Variants in CDKL2 observed in about 807,000 individuals in gnomAD.
The protein encoded by CDKL2 is cyclin dependent kinase like 2, also known as cyclin-dependent kinase-like 2.
CDKL2 carries 64 observed loss-of-function variants against 63.9 expected under a neutral mutation model. That is an observed-to-expected ratio of 1.00 (90% CI 0.82 to 1.23). The LOEUF (loss-of-function observed/expected upper bound fraction) is 1.23, where lower values mean the gene tolerates loss of function less well. CDKL2 is among the 50% of genes most tolerant of loss of function. CDKL2 has a pLI of 0.00. For missense variants in CDKL2, 656 were observed against 668.0 expected, an observed-to-expected ratio of 0.98 and a Z score of 0.20; for synonymous variants, 211 against 229.2, an observed-to-expected ratio of 0.92 and a Z score of 0.72.
intron 13 of CDKL2, among the ~76,000 whole-genome samples, chr4:75,579,949 T>C (rs1728188046): frequency 6.6e-6 from 1 of 152,198 alleles, no homozygotes; most frequent in Admixed American, 6.5e-5. Context: ...CTCAAAATGC[T>C]TTGTAAAGGT....
chr4:75,613,835 C>T (rs1690013326), intron 3 of CDKL2, among the ~76,000 whole-genome samples: 1 of 152,198 alleles, frequency 6.6e-6, no homozygotes, highest in Non-Finnish European at 1.5e-5. Context: ...GCAGGCAGAT[C>T]ACCTGAGGTC....
chr4:75,616,940 A>T (rs1170134396), intron 2 of CDKL2, among the ~76,000 whole-genome samples: 2 of 152,126 alleles, frequency 1.3e-5, no homozygotes, highest in African/African-American at 4.8e-5. Context: ...AACAACACAC[A>T]CTGGGGCCTA....
intron 4 of CDKL2, 36 bp from the exon 5 acceptor site, chr4:75,605,670 C>G (rs1729396943): frequency 7.2e-7 from 1 of 1,391,658 alleles, no homozygotes; most frequent in Admixed American, 1.7e-5. Context: ...AATCTGGCAT[C>G]CTAATATGCT....
chr4:75,608,838 C>CA (rs1729545823), intron 3 of CDKL2, among the ~76,000 whole-genome samples: 1 of 151,766 alleles, frequency 6.6e-6, no homozygotes, highest in African/African-American at 2.4e-5. Context: ...TACTAAAATA[C>CA]AAAAAAGTAG....
At chr4:75,610,367 C>T (rs145351154) in intron 3 of CDKL2, among the ~76,000 whole-genome samples, 9 of 152,158 alleles carry the variant, frequency 5.9e-5, no homozygotes, top group African/African-American at 2.2e-4. Flanking sequence ...ATGTTTCTTC[C>T]CAACTCTAAT....
At position 75,605,614 on chromosome 4, in the gene CDKL2, A is replaced by G. The variant is rs138746387; in HGVS notation, c.563T>C (p.Ile188Thr). 5.6e-6 allele frequency: 9 copies of G among 1,612,982 alleles called. No homozygotes were observed. The highest frequency in any genetic ancestry group is 7.6e-6 in the Non-Finnish European group (9 of 1,179,070). Residue 188 changes from isoleucine (I) to threonine (T), a missense_variant, in exon 5 of 14, where the codon ATT becomes ACT. Coordinates refer to ENST00000307465, the MANE Select transcript of CDKL2 (RefSeq NM_001330724.2). ...KYGKAVDVWA[I>T]GCLVTEMFMG... ...GAACATTTCAGTTACCAGACAACCA[A>G]TGGCCCACACATCAACAGCCCTGAA...
At chr4:75,593,684 A>G (rs1418512347) in intron 10 of CDKL2, among the ~76,000 whole-genome samples, 1 of 152,222 alleles carries the variant, frequency 6.6e-6, no homozygotes, top group Non-Finnish European at 1.5e-5. Flanking sequence ...AAAGCAAATC[A>G]GGATTTTAAA....
In CDKL2 at chr4:75,627,731, C is replaced by CTTTTTTTTTTTTTTTT. The variant is rs57328528; in HGVS notation, c.-29-1730_-29-1715dup. On this transcript the variant is annotated intron_variant, in intron 1 of 13. Coordinates refer to ENST00000307465, the MANE Select transcript of CDKL2 (RefSeq NM_001330724.2). ...AAATATTTTTCTTTACTTTTTTTTT[C>CTTTTTTTTTTTTTTTT]TTTTTTTTTTTTTTTTTTTTGAAAC... Among the ~76,000 whole-genome samples, 152 of 85,980 alleles carry CTTTTTTTTTTTTTTTT rather than the reference C, an allele frequency of 1.8e-3. 1 individual carries two copies. The highest frequency in any genetic ancestry group is 5.1e-3 in the East Asian group (17 of 3,342). 56.4% of individuals were successfully genotyped at this position (85,980 alleles called of 152,430 possible).
At chr4:75,590,294 T>C (rs1014896089) in intron 12 of CDKL2, among the ~76,000 whole-genome samples, 1 of 152,238 alleles carries the variant, frequency 6.6e-6, no homozygotes, top group African/African-American at 2.4e-5. Flanking sequence ...AATGTTGCTA[T>C]AGAAATTGTT....
intron 5 of CDKL2, 28 bp downstream of exon 5, chr4:75,605,494 A>T: frequency 7.4e-7 from 1 of 1,352,062 alleles, no homozygotes. Context: ...AAATCTCTAA[A>T]ATTTAAAATG....
chr4:75,624,483 C>A (rs1224940507), intron 2 of CDKL2, among the ~76,000 whole-genome samples: 1 of 150,494 alleles, frequency 6.6e-6, no homozygotes, highest in Non-Finnish European at 1.5e-5. Flanking sequence ...CCCAGGAGTT[C>A]AAGGCTGCAG....
At chr4:75,602,990 T>TC (rs1436269123) in intron 6 of CDKL2, among the ~76,000 whole-genome samples, 1 of 134,362 alleles carries the variant, frequency 7.4e-6, no homozygotes, top group African/African-American at 2.9e-5. Context: ...ATGGTTTCTT[T>TC]TTTTTTTTTT....
In CDKL2 at chr4:75,614,296, A is replaced by G. The variant is rs1729830187; in HGVS notation, c.322T>C (p.Phe108Leu). Reference protein sequence around the residue: ...LDYQVVQKYLFQIINGIGFCH... With the variant: ...LDYQVVQKYLLQIINGIGFCH... The stretch of plus-strand genomic sequence containing the variant: ...AATCCAATTCCATTAATAATCTGAA[A>G]CAAATACTTTTGAACTACTTGGTAG... The change falls in exon 3 of 14, where the codon TTT (phenylalanine) becomes CTT (leucine). Residue 108 changes from phenylalanine (F) to leucine (L), a missense_variant. Transcript: ENST00000307465. 1.2e-6 allele frequency: 2 copies of G among 1,608,616 alleles called. No homozygotes were observed. Among genetic ancestry groups the G allele is most frequent in the Admixed American group, 1.7e-5 (1 of 58,784 alleles).
At chr4:75,586,227 CTT>C (rs61087984) in intron 12 of CDKL2, among the ~76,000 whole-genome samples, 41,915 of 145,198 alleles carry the variant, frequency 0.29, 7,173 homozygotes, top group East Asian at 0.76. Context: ...ACTAACCTTT[CTT>C]TTTTTTTTTT....
At chr4:75,594,521 C>G (rs934222636) in intron 10 of CDKL2, among the ~76,000 whole-genome samples, 1 of 151,888 alleles carries the variant, frequency 6.6e-6, no homozygotes, top group Non-Finnish European at 1.5e-5. Flanking sequence ...AAGCACAAAT[C>G]TCTGCCTTGG....
intron 12 of CDKL2, among the ~76,000 whole-genome samples, chr4:75,583,514 C>T (rs1728344608): frequency 6.6e-6 from 1 of 152,184 alleles, no homozygotes; most frequent in Non-Finnish European, 1.5e-5. Context: ...TAGAAATCTG[C>T]ATATGTCTTC....
chr4:75,607,574 T>A (rs2148891662), intron 3 of CDKL2, among the ~76,000 whole-genome samples: 1 of 152,246 alleles, frequency 6.6e-6, no homozygotes, highest in East Asian at 1.9e-4. Context: ...TTGGATAAAA[T>A]ATATTTTTTC....
intron 3 of CDKL2, among the ~76,000 whole-genome samples, chr4:75,610,206 AAAAAAAAGAAAAAG>A (rs1461232789): frequency 2.6e-4 from 40 of 151,726 alleles, no homozygotes; most frequent in African/African-American, 6.8e-4. Flanking sequence ...CCATCTCAAA[AAAAAAAAGAAAAAG>A]AAAAAAAGAA....
At chr4:75,595,954 G>C (rs1249431640) in intron 10 of CDKL2, 1 of 220,672 alleles carries the variant, frequency 4.5e-6, no homozygotes, top group African/African-American at 3.0e-5. Context: ...AAAAGAAAGA[G>C]AGGAAGGAAG....
Sources: allele counts gnomAD v4.1 joint callset (sites outside exome capture counted in the v4.1 genomes callset), GRCh38; gene constraint gnomAD v4.1.1; transcripts MANE v1.5; gene names NCBI Gene and HGNC (gene_info 2026-07-23, HGNC 2026-07-21).